The following ITSN1 variants were observed in gnomAD, a reference collection of about 807,000 sequenced individuals.
The protein encoded by ITSN1 is intersectin-1.
A neutral mutation model predicts 239.8 loss-of-function variants in ITSN1; 58 were observed. The observed-to-expected ratio is 0.24, with a 90% CI of 0.20 to 0.30. The LOEUF is 0.30. Ranked by LOEUF, ITSN1 falls within the 10% of genes least tolerant of loss-of-function variation. The pLI, the probability that ITSN1 is intolerant of heterozygous loss-of-function variation, is 1.00. For missense variants in ITSN1, 1,558 were observed against 2,103.3 expected, an observed-to-expected ratio of 0.74 and a Z score of 5.07; for synonymous variants, 780 against 770.8, an observed-to-expected ratio of 1.01 and a Z score of -0.20.
At chr21:33,861,931 G>GT (rs77944394) in intron 31 of ITSN1, among the ~76,000 whole-genome samples, 34,618 of 142,498 alleles carry the variant, frequency 0.24, 5,071 homozygotes, top group East Asian at 0.44. Context: ...GGGCGACAGA[G>GT]TGAGACTCCG....
intron 1 of ITSN1, among the ~76,000 whole-genome samples, chr21:33,682,118 A>G (rs1568926864): frequency 6.6e-6 from 1 of 151,856 alleles, no homozygotes; most frequent in Non-Finnish European, 1.5e-5. Context: ...TTAAATATGC[A>G]TTAAATACAA....
At chr21:33,728,226 A>G (rs931488500) in intron 4 of ITSN1, among the ~76,000 whole-genome samples, 2 of 151,862 alleles carry the variant, frequency 1.3e-5, no homozygotes, top group African/African-American at 4.8e-5. Context: ...CGGCCTCTCA[A>G]AGTGCTGGGA....
chr21:33,864,383 T>A (rs569950953), intron 31 of ITSN1, among the ~76,000 whole-genome samples: 3 of 152,302 alleles, frequency 2.0e-5, no homozygotes, highest in African/African-American at 7.2e-5. Flanking sequence ...TTCTTCCAGA[T>A]GCTGGTGTTA....
At chr21:33,726,442 G>A (rs2065837725) in intron 4 of ITSN1, among the ~76,000 whole-genome samples, 2 of 151,892 alleles carry the variant, frequency 1.3e-5, no homozygotes, top group South Asian at 4.1e-4. Context: ...GGAAGAATGG[G>A]TTTGACTCTG....
intron 29 of ITSN1, among the ~76,000 whole-genome samples, chr21:33,840,358 T>G (rs149438566): frequency 9.3e-5 from 14 of 150,592 alleles, no homozygotes; most frequent in Middle Eastern, 3.4e-3. Context: ...TAGCTATTTG[T>G]TTTTTGTTTT....
chr21:33,794,466 A>G lies in ITSN1; in HGVS notation c.1950A>G (p.Gln650=). The G allele has an allele frequency of 6.2e-7, 1 of 1,610,772 alleles. No individual in the cohort carries two copies. Among genetic ancestry groups the G allele is most frequent in the Non-Finnish European group, 8.5e-7 (1 of 1,178,974 alleles). The part of the protein sequence containing the change: ...IELEKQKEEA[Q]RRAQERDKQW... ...TAGAAAAACAAAAAGAAGAAGCCCA[A>G]AGGTGAGTCTTCTTTGGATTGTGGA... The change falls in exon 17 of 40, where the codon CAA becomes CAG. Residue 650 remains glutamine, a splice_region_variant and synonymous_variant. Transcript: ENST00000381318.
chr21:33,800,147 T>C (rs1157131295), intron 19 of ITSN1, among the ~76,000 whole-genome samples: 3 of 152,176 alleles, frequency 2.0e-5, no homozygotes, highest in Non-Finnish European at 2.9e-5. Flanking sequence ...AAAATTGAGT[T>C]GATAAAGACA....
intron 4 of ITSN1, among the ~76,000 whole-genome samples, chr21:33,724,448 G>A (rs1351536682): frequency 6.6e-6 from 1 of 152,194 alleles, no homozygotes; most frequent in East Asian, 1.9e-4. Context: ...GAGACCTGTG[G>A]CACCTTTGTG....
chr21:33,753,268 A>G (rs145305644), intron 7 of ITSN1, among the ~76,000 whole-genome samples: 1 of 152,286 alleles, frequency 6.6e-6, no homozygotes, highest in East Asian at 1.9e-4. Flanking sequence ...AGATGCCTCA[A>G]TATGTATTGG....
chr21:33,826,934 G>GT (rs2074005537), intron 26 of ITSN1, 71 bp downstream of exon 26: 1 of 1,245,908 alleles, frequency 8.0e-7, no homozygotes, highest in Non-Finnish European at 1.2e-6. Context: ...CCATCTTTGT[G>GT]TATTAGGGCC....
At chr21:33,668,025 C>A (rs1300328011) in intron 1 of ITSN1, among the ~76,000 whole-genome samples, 2 of 152,068 alleles carry the variant, frequency 1.3e-5, no homozygotes, top group African/African-American at 4.8e-5. Flanking sequence ...TATTTCTGGT[C>A]CAGTTCGAAA....
intron 20 of ITSN1, among the ~76,000 whole-genome samples, chr21:33,807,655 G>A (rs1323792193): frequency 1.3e-5 from 2 of 152,156 alleles, no homozygotes; most frequent in Non-Finnish European, 2.9e-5. Flanking sequence ...AATACCCTGT[G>A]TTTCAAGGGA....
At chr21:33,773,000 C>CT (rs768551303) in intron 12 of ITSN1, among the ~76,000 whole-genome samples, 5,840 of 133,044 alleles carry the variant, frequency 0.044, 192 homozygotes, top group African/African-American at 0.068. Context: ...CTGCAATCTT[C>CT]TTTTTTTTTT....
chr21:33,870,195 C>T (rs1165291813), intron 33 of ITSN1, among the ~76,000 whole-genome samples: 1 of 152,190 alleles, frequency 6.6e-6, no homozygotes, highest in Non-Finnish European at 1.5e-5. Flanking sequence ...AGTAAGTTTT[C>T]AACTTACTGT....
intron 21 of ITSN1, among the ~76,000 whole-genome samples, chr21:33,811,985 G>A (rs2072948915): frequency 1.3e-5 from 2 of 152,134 alleles, no homozygotes; most frequent in Non-Finnish European, 2.9e-5. Context: ...CAGATGTATT[G>A]CTGGAGAAGG....
intron 20 of ITSN1, among the ~76,000 whole-genome samples, chr21:33,810,756 T>G (rs924938671): frequency 2.0e-5 from 3 of 152,358 alleles, no homozygotes; most frequent in Non-Finnish European, 2.9e-5. Context: ...GTAAGGCTTT[T>G]TTAAAAAGTG....
rs757375182 is a variant in ITSN1 at position 33,865,253 on chromosome 21, C to A, written c.3993C>A (p.Arg1331=). ...AQLPHMQPYI[R]FCSRQLNGAA... Reference sequence around the variant, plus strand: ...TGCCGCACATGCAGCCCTACATCCGCTTCTGCAGCCGCCAGCTCAACGGGG... The same window carrying A: ...TGCCGCACATGCAGCCCTACATCCGATTCTGCAGCCGCCAGCTCAACGGGG... The change falls in exon 32 of 40, where the codon CGC becomes CGA. Residue 1331 remains arginine (R), a synonymous_variant. Coordinates refer to ENST00000381318, the MANE Select transcript of ITSN1 (RefSeq NM_003024.3). This position sits in a 1 kb window ranked among gnomAD's most constrained non-coding sequence, Gnocchi z 4.4. 26 of 1,610,812 alleles carry A rather than the reference C, an allele frequency of 1.6e-5. No homozygotes were observed. Among genetic ancestry groups the A allele is most frequent in the Non-Finnish European group, 2.2e-5 (26 of 1,178,868 alleles).
At chr21:33,667,252 C>T (rs1314959161) in intron 1 of ITSN1, among the ~76,000 whole-genome samples, 2 of 150,008 alleles carry the variant, frequency 1.3e-5, no homozygotes, top group Non-Finnish European at 3.0e-5. Flanking sequence ...TTGTATATGT[C>T]TGGATTTTTT....
chr21:33,791,178 A>G (rs1294996706), intron 16 of ITSN1, among the ~76,000 whole-genome samples: 2 of 152,268 alleles, frequency 1.3e-5, no homozygotes, highest in Non-Finnish European at 2.9e-5. Context: ...CTTTAAGTCC[A>G]AGAAAAGAGA....
Sources: gnomAD v4.1 joint callset for allele counts (sites outside exome capture counted in the v4.1 genomes callset) on GRCh38, gnomAD v4.1.1 for gene constraint, Gnocchi (gnomAD v3.1) non-coding constraint, MANE v1.5 for transcripts, NCBI Gene and HGNC (gene_info 2026-07-23, HGNC 2026-07-21) for gene names.